Variants in HYDIN observed in about 807,000 individuals in gnomAD.
The protein encoded by HYDIN is axonemal central pair apparatus protein HYDIN.
Under a neutral mutation model 403.9 loss-of-function variants are expected in HYDIN, and 132 were observed. The observed-to-expected ratio is 0.33, with a 90% CI of 0.28 to 0.38. The LOEUF (loss-of-function observed/expected upper bound fraction) is 0.38. Ranked by LOEUF, HYDIN falls within the 10% of genes least tolerant of loss-of-function variation. The pLI is 1.00. For synonymous variants in HYDIN, 1,202 were observed against 1,891.7 expected (o/e 0.64, Z 9.46); for missense variants, 2,827 against 5,009.5 (o/e 0.56, Z 13.15).
intron 41 of HYDIN, among the ~76,000 whole-genome samples, chr16:70,951,273 A>AGAGG (rs1555586792): frequency 4.6e-5 from 7 of 150,770 alleles, no homozygotes; most frequent in Non-Finnish European, 7.4e-5. Context: ...AGAGAGAGAG[A>AGAGG]GAGAGAGGGA....
chr16:71,169,667 T>A (rs2086382350), intron 5 of HYDIN, among the ~76,000 whole-genome samples: 2 of 151,872 alleles, frequency 1.3e-5, no homozygotes, highest in Admixed American at 1.3e-4. Flanking sequence ...GGGACTGGGG[T>A]TGGAGAATTG....
chr16:70,932,566 C>G (rs1312050993), intron 45 of HYDIN, among the ~76,000 whole-genome samples: 2 of 150,576 alleles, frequency 1.3e-5, no homozygotes, highest in Non-Finnish European at 3.0e-5. Context: ...GCTAAGAAGA[C>G]AGGGAAGGGG....
chr16:70,917,385 T>A (rs1217708311), intron 47 of HYDIN, among the ~76,000 whole-genome samples: 1 of 152,260 alleles, frequency 6.6e-6, no homozygotes. Flanking sequence ...TGGGGTAGTC[T>A]CTATCCCCAA....
chr16:70,887,595 G>A lies in HYDIN; in HGVS notation c.9774+1992C>T, dbSNP rs546109076. ...AGATAAAAAATGTGTAATACTTTAA[G>A]CTTCTAAATTTGAGGTAATTTGTTG... On this transcript the variant is annotated intron_variant, in intron 58 of 85. Transcript: ENST00000393567. Among the ~76,000 whole-genome samples, 155 of 152,196 alleles carry A rather than the reference G, an allele frequency of 1.0e-3. 3 individuals carry two copies. The East Asian group carries it at 0.025, about 25-fold the overall frequency.
intron 57 of HYDIN, among the ~76,000 whole-genome samples, chr16:70,891,199 AT>A (rs1265863021): frequency 6.6e-6 from 1 of 151,942 alleles, no homozygotes. Context: ...TTTATTTTTT[AT>A]TTTTTTGAGA....
intron 58 of HYDIN, 82 bp from the exon 59 acceptor site, chr16:70,884,206 G>A: frequency 3.1e-6 from 4 of 1,286,408 alleles, no homozygotes; most frequent in Non-Finnish European, 3.2e-6. Flanking sequence ...TAGATGGTGT[G>A]GAGAGGGGGA....
intron 18 of HYDIN, among the ~76,000 whole-genome samples, chr16:71,054,960 A>G (rs1475727404): frequency 2.0e-5 from 3 of 152,274 alleles, no homozygotes; most frequent in African/African-American, 7.2e-5. Flanking sequence ...GATAATTTAT[A>G]TATGTACATT....
At chr16:71,175,028 C>A (rs551292537) in intron 5 of HYDIN, among the ~76,000 whole-genome samples, 1 of 152,004 alleles carries the variant, frequency 6.6e-6, no homozygotes, top group Non-Finnish European at 1.5e-5. Context: ...TGACTACCAC[C>A]GCCTATACCA....
Position 71,186,760 on chromosome 16 carries a change from C to G in HYDIN, c.135+1G>C. On this transcript the variant is annotated splice_donor_variant, in intron 2 of 85. Transcript: ENST00000393567. LOFTEE classifies it high-confidence loss of function. The stretch of plus-strand genomic sequence containing the variant: ...TACATATTAATTCCCGGATACATTA[C>G]CATTCGGTTTACTTCTTCTTCTGTA... 1.2e-6 allele frequency: 2 copies of G among 1,610,150 alleles called. No individual in the cohort carries two copies. The highest frequency in any genetic ancestry group is 1.7e-6 in the Non-Finnish European group (2 of 1,177,708).
chr16:70,856,019 A>G (rs1225733952), intron 72 of HYDIN, among the ~76,000 whole-genome samples: 112 of 149,208 alleles, frequency 7.5e-4, no homozygotes, highest in Middle Eastern at 3.4e-3. Flanking sequence ...TAGGACAACT[A>G]ACAAATGATC....
intron 10 of HYDIN, among the ~76,000 whole-genome samples, chr16:71,108,574 A>G (rs1050563967): frequency 2.6e-5 from 4 of 152,132 alleles, no homozygotes; most frequent in African/African-American, 9.7e-5. Context: ...AACTGTCACA[A>G]ACTTAGTGGC....
At chr16:70,863,716 A>C (rs1257091237) in intron 67 of HYDIN, among the ~76,000 whole-genome samples, 1 of 151,776 alleles carries the variant, frequency 6.6e-6, no homozygotes, top group East Asian at 1.9e-4. Context: ...TCTCTACTAA[A>C]AATATAAAAA....
intron 76 of HYDIN, among the ~76,000 whole-genome samples, chr16:70,838,138 A>T (rs554627250): frequency 6.6e-6 from 1 of 152,152 alleles, no homozygotes; most frequent in Non-Finnish European, 1.5e-5. Flanking sequence ...CTCAAGGCTC[A>T]TCACCCTTTG....
chr16:70,930,954 C>G (rs1408037696), intron 45 of HYDIN, among the ~76,000 whole-genome samples: 1 of 151,918 alleles, frequency 6.6e-6, no homozygotes, highest in African/African-American at 2.4e-5. Context: ...CTATGCCAAC[C>G]CTGAGATGAC....
intron 10 of HYDIN, among the ~76,000 whole-genome samples, chr16:71,105,331 T>A (rs1216819532): frequency 6.6e-6 from 1 of 151,452 alleles, no homozygotes; most frequent in Non-Finnish European, 1.5e-5. Flanking sequence ...AAAAAAAAAA[T>A]TCCAAAAGGA....
Position 70,896,076 on chromosome 16 carries a change from A to G in HYDIN, c.9053T>C (p.Leu3018Ser). The change falls in exon 54 of 86, where the codon TTA becomes TCA. Residue 3018 changes from leucine to serine, a missense_variant. Coordinates refer to ENST00000393567, the MANE Select transcript of HYDIN (RefSeq NM_001270974.2). Reference sequence around the variant, plus strand: ...AACACCAAGAAGATTTTCTGCATCTAAAACCTGGCAGGGAAAGGGAAAGTC... The same window carrying G: ...AACACCAAGAAGATTTTCTGCATCTGAAACCTGGCAGGGAAAGGGAAAGTC... The part of the protein sequence containing the change: ...NIKKAIRLEV[L>S]DAENLLGVVQ... The G allele has an allele frequency of 1.2e-6, 2 of 1,613,704 alleles. No homozygotes were observed. Among genetic ancestry groups the G allele is most frequent in the African/African-American group, 1.3e-5 (1 of 74,946 alleles).
chr16:71,041,581 C>T (rs1371310909), intron 18 of HYDIN, among the ~76,000 whole-genome samples: 1 of 151,852 alleles, frequency 6.6e-6, no homozygotes, highest in Non-Finnish European at 1.5e-5. Context: ...TAAGTGACTA[C>T]AATACATTGT....
At chr16:71,060,229 A>T (rs889886969) in intron 18 of HYDIN, among the ~76,000 whole-genome samples, 2 of 152,104 alleles carry the variant, frequency 1.3e-5, no homozygotes, top group African/African-American at 2.4e-5. Flanking sequence ...TTACCAAAAG[A>T]CATGCACACT....
At chr16:70,942,073 G>A (rs2077696203) in intron 42 of HYDIN, among the ~76,000 whole-genome samples, 1 of 142,354 alleles carries the variant, frequency 7.0e-6, no homozygotes, top group African/African-American at 2.7e-5. Flanking sequence ...CGCCCAGGCT[G>A]GAGTGCAGTG....
Sources: allele counts gnomAD v4.1 joint callset (sites outside exome capture counted in the v4.1 genomes callset), GRCh38; gene constraint gnomAD v4.1.1; transcripts MANE v1.5; gene names NCBI Gene and HGNC (gene_info 2026-07-23, HGNC 2026-07-21).